Variants in KDM4C observed in about 807,000 individuals in gnomAD.
KDM4C encodes the protein lysine-specific demethylase 4C.
A neutral mutation model predicts 129.3 loss-of-function variants in KDM4C; 81 were observed. The observed-to-expected ratio is 0.63, with a 90% CI of 0.52 to 0.75. The LOEUF (loss-of-function observed/expected upper bound fraction) is 0.75, where lower values mean the gene tolerates loss of function less well. Ranked by LOEUF, KDM4C falls within the 30% of genes least tolerant of loss-of-function variation. The pLI is 0.00. For missense variants in KDM4C, 1,457 were observed against 1,304.0 expected, an observed-to-expected ratio of 1.12 and a Z score of -1.81; for synonymous variants, 573 against 456.1, an observed-to-expected ratio of 1.26 and a Z score of -3.26.
chr9:7,157,768 G>A (rs1041883048), intron 19 of KDM4C, among the ~76,000 whole-genome samples: 1 of 152,142 alleles, frequency 6.6e-6, no homozygotes, highest in African/African-American at 2.4e-5. Flanking sequence ...GTATTTTATT[G>A]AGGATTTTTG....
At chr9:6,799,987 C>A (rs1828622806) in intron 2 of KDM4C, among the ~76,000 whole-genome samples, 1 of 151,868 alleles carries the variant, frequency 6.6e-6, no homozygotes, top group South Asian at 2.1e-4. Flanking sequence ...CTTTGGGAGG[C>A]CAAGGTGGGA....
chr9:6,856,643 G>T (rs948972308), intron 5 of KDM4C, among the ~76,000 whole-genome samples: 5 of 150,154 alleles, frequency 3.3e-5, no homozygotes. Context: ...TGCGATGATG[G>T]CTAACTGCAG....
chr9:6,943,324 A>G (rs544683174), intron 8 of KDM4C, among the ~76,000 whole-genome samples: 1 of 152,308 alleles, frequency 6.6e-6, no homozygotes. Flanking sequence ...TTTTCTGTAA[A>G]GATTTGTAAG....
rs1820859935 is a variant in KDM4C at position 6,919,101 on chromosome 9, T to G, written c.921+25869T>G. 3.3e-5 allele frequency among the ~76,000 whole-genome samples: 5 copies of G among 152,320 alleles called. No homozygotes were observed. In the South Asian group the frequency reaches 8.3e-4, roughly 25 times the overall value. ...CTCTTGACCTTGTGATCCACCTGCC[T>G]TGGCCTCCCAAAGTGCTGGGATTAC... On this transcript the variant is annotated intron_variant, in intron 8 of 21. Transcript: ENST00000381309.
chr9:6,988,641 T>C (rs550847858), intron 11 of KDM4C, among the ~76,000 whole-genome samples: 31 of 151,184 alleles, frequency 2.1e-4, no homozygotes, highest in African/African-American at 5.9e-4. Context: ...ATAAGTATTA[T>C]GTTATTTTTT....
upstream of KDM4C, among the ~76,000 whole-genome samples, chr9:6,752,876 C>A (rs780679863): frequency 3.9e-5 from 6 of 152,110 alleles, no homozygotes; most frequent in Non-Finnish European, 8.8e-5. Context: ...CTTTTAAGTT[C>A]ATGCCTGAGG....
intron 8 of KDM4C, among the ~76,000 whole-genome samples, chr9:6,974,040 G>A (rs1225883601): frequency 2.6e-5 from 4 of 152,164 alleles, no homozygotes; most frequent in African/African-American, 4.8e-5. Context: ...AGAGGCTGGT[G>A]GGCAGGATAC....
chr9:6,927,772 T>G (rs1162148105), intron 8 of KDM4C, among the ~76,000 whole-genome samples: 1 of 152,206 alleles, frequency 6.6e-6, no homozygotes, highest in African/African-American at 2.4e-5. Context: ...AAGATTAAGT[T>G]CTTAGACTTT....
chr9:7,083,710 G>GGTGTGTGTGTGTGTGTGTGT (rs1257662179), intron 17 of KDM4C, among the ~76,000 whole-genome samples: 6 of 65,478 alleles, frequency 9.2e-5, no homozygotes, highest in South Asian at 9.0e-4. Context: ...GCACATGACT[G>GGTGTGTGTGTGTGTGTGTGT]ATGTGTGTGT....
intron 1 of KDM4C, among the ~76,000 whole-genome samples, chr9:6,760,223 G>A (rs1819138647): frequency 6.6e-6 from 1 of 151,720 alleles, no homozygotes; most frequent in South Asian, 2.1e-4. Flanking sequence ...TCTTCTGTGA[G>A]TGACTTCTTT....
intron 5 of KDM4C, among the ~76,000 whole-genome samples, chr9:6,864,124 G>A (rs1158905264): frequency 6.6e-6 from 1 of 152,140 alleles, no homozygotes; most frequent in African/African-American, 2.4e-5. Context: ...GCATGTTAGT[G>A]GGTTTTTTCC....
chr9:6,941,692 G>A (rs1164098498), intron 8 of KDM4C: 1 of 152,208 alleles, frequency 6.6e-6, no homozygotes, highest in Non-Finnish European at 1.5e-5. Flanking sequence ...CGTTGTGGCA[G>A]CCAAGCCAGA....
intron 15 of KDM4C, among the ~76,000 whole-genome samples, chr9:7,019,833 T>C (rs1304978591): frequency 5.4e-5 from 8 of 148,976 alleles, no homozygotes. Context: ...TTCCCAGACA[T>C]AAATAAATAA....
rs35945405 is a variant in KDM4C, at chr9:6,771,080, C to CTTT, written c.-18+12904_-18+12906dup. ...TGAGCCACTGCGCCCGACTGTGAAT[C>CTTT]TTTTTTTTTTTTTTTTTTTTTTTTT... On this transcript the variant is annotated intron_variant, in intron 1 of 21. Transcript: ENST00000381309. Among the ~76,000 whole-genome samples, 52 of 56,970 alleles carry CTTT rather than the reference C, an allele frequency of 9.1e-4. 11 individuals carry two copies. The highest frequency in any genetic ancestry group is 2.7e-3 in the African/African-American group (36 of 13,242). 37.4% of individuals were successfully genotyped at this position (56,970 alleles called of 152,430 possible). A position where few individuals can be genotyped will look rare whatever the true frequency, so the allele number is the denominator to read the frequency against.
chr9:6,801,773 A>G (rs1829031088), intron 2 of KDM4C, among the ~76,000 whole-genome samples: 2 of 152,162 alleles, frequency 1.3e-5, no homozygotes, highest in Admixed American at 6.6e-5. Context: ...ATGCAATAGT[A>G]AAATGATAAA....
intron 19 of KDM4C, among the ~76,000 whole-genome samples, chr9:7,141,137 G>A (rs1041159947): frequency 6.6e-6 from 1 of 152,190 alleles, no homozygotes; most frequent in African/African-American, 2.4e-5. Flanking sequence ...TTGTTATGAA[G>A]TAGGTTTTTT....
intron 15 of KDM4C, among the ~76,000 whole-genome samples, chr9:7,043,466 C>T (rs541499273): frequency 6.6e-6 from 1 of 152,116 alleles, no homozygotes; most frequent in Admixed American, 6.5e-5. Context: ...TGTTCTCTGA[C>T]AGTAAAGTAC....
At chr9:6,828,041 A>G (rs938275173) in intron 4 of KDM4C, among the ~76,000 whole-genome samples, 1 of 152,184 alleles carries the variant, frequency 6.6e-6, no homozygotes, top group Non-Finnish European at 1.5e-5. Context: ...TGGTGCAGGA[A>G]TTGTTGGAAG....
chr9:6,812,913 C>G (rs184601404), intron 3 of KDM4C, among the ~76,000 whole-genome samples: 2 of 152,168 alleles, frequency 1.3e-5, no homozygotes, highest in Non-Finnish European at 2.9e-5. Flanking sequence ...CGGTGGCTCT[C>G]GCCTGTAAAT....
Sources: gnomAD v4.1 joint callset for allele counts (sites outside exome capture counted in the v4.1 genomes callset) on GRCh38, gnomAD v4.1.1 for gene constraint, MANE v1.5 for transcripts, NCBI Gene and HGNC (gene_info 2026-07-23, HGNC 2026-07-21) for gene names.